Variants in YAF2 observed in about 807,000 individuals in gnomAD.
YAF2 encodes YY1-associated factor 2.
Under a neutral mutation model 20.1 loss-of-function variants are expected in YAF2, and 7 were observed. The observed-to-expected ratio is 0.35, with a 90% confidence interval of 0.20 to 0.65. YAF2 has a LOEUF of 0.65. Among genes scored for constraint, YAF2 ranks in the 30% least tolerant of loss-of-function variants. YAF2 has a pLI of 0.69. For missense variants in YAF2, 151 were observed against 219.2 expected (o/e 0.69, Z 1.96); for synonymous variants, 74 against 76.0 (o/e 0.97, Z 0.14).
chr12:42,215,634 A>G (rs1239554703), intron 2 of YAF2, among the ~76,000 whole-genome samples: 3 of 151,892 alleles, frequency 2.0e-5, no homozygotes, highest in Non-Finnish European at 4.4e-5. Flanking sequence ...CAAAGCTACC[A>G]TACAGTGGCA....
chr12:42,218,696 A>G (rs760059485), intron 2 of YAF2, among the ~76,000 whole-genome samples: 21 of 152,140 alleles, frequency 1.4e-4, no homozygotes, highest in Non-Finnish European at 2.2e-4. Context: ...TCCCAAAATA[A>G]TCTTATTAAA....
chr12:42,176,727 T>A (rs191497618), intron 2 of YAF2, among the ~76,000 whole-genome samples: 1 of 152,136 alleles, frequency 6.6e-6, no homozygotes, highest in East Asian at 1.9e-4. Flanking sequence ...TTTGGGAGGC[T>A]GAGGTGGGTG....
intron 2 of YAF2, among the ~76,000 whole-genome samples, chr12:42,197,677 A>G (rs2066789390): frequency 6.6e-6 from 1 of 152,200 alleles, no homozygotes; most frequent in South Asian, 2.1e-4. Context: ...AAATTAAACA[A>G]TAATCAACAT....
At chr12:42,185,569 T>C (rs1017764010) in intron 2 of YAF2, among the ~76,000 whole-genome samples, 3 of 152,186 alleles carry the variant, frequency 2.0e-5, no homozygotes, top group Admixed American at 1.3e-4. Flanking sequence ...TAAAAATTGC[T>C]ACAGCCACCC....
At chr12:42,163,054 GCTTAGCC>G (rs1409309425) in intron 2 of YAF2, among the ~76,000 whole-genome samples, 1 of 152,124 alleles carries the variant, frequency 6.6e-6, no homozygotes, top group Non-Finnish European at 1.5e-5. Flanking sequence ...TGTTTAGCTT[GCTTAGCC>G]CTACCCCGCA....
chr12:42,168,255 T>C (rs2065961387), intron 2 of YAF2, among the ~76,000 whole-genome samples: 1 of 150,870 alleles, frequency 6.6e-6, no homozygotes, highest in African/African-American at 2.4e-5. Context: ...CTCAGCTCAC[T>C]GCAACCTCCG....
chr12:42,186,630 T>A (rs1452359965), intron 2 of YAF2, among the ~76,000 whole-genome samples: 1 of 151,568 alleles, frequency 6.6e-6, no homozygotes, highest in Non-Finnish European at 1.5e-5. Context: ...TGAGCTGAGA[T>A]CATGCCATTG....
intron 2 of YAF2, among the ~76,000 whole-genome samples, chr12:42,230,406 G>T (rs2067950899): frequency 6.6e-6 from 1 of 152,280 alleles, no homozygotes; most frequent in Non-Finnish European, 1.5e-5. Context: ...TTTAGGGATA[G>T]ATTATTATTA....
At chr12:42,204,174 G>A (rs752796478) in intron 2 of YAF2, among the ~76,000 whole-genome samples, 4 of 152,184 alleles carry the variant, frequency 2.6e-5, no homozygotes, top group African/African-American at 4.8e-5. Context: ...TGACATTACA[G>A]AAAAGTGTGA....
chr12:42,186,410 G>C (rs10880263), intron 2 of YAF2, among the ~76,000 whole-genome samples: 27,975 of 151,854 alleles, frequency 0.18, 2,680 homozygotes, highest in Admixed American at 0.24. Flanking sequence ...GTATATAAGG[G>C]TTGATCAAGA....
At chr12:42,230,806 GA>G (rs2137412432) in intron 2 of YAF2, among the ~76,000 whole-genome samples, 1 of 152,294 alleles carries the variant, frequency 6.6e-6, no homozygotes, top group African/African-American at 2.4e-5. Context: ...ATGGGTTTCA[GA>G]GATATACACA....
At chr12:42,185,117 G>A (rs1353660225) in intron 2 of YAF2, among the ~76,000 whole-genome samples, 1 of 152,214 alleles carries the variant, frequency 6.6e-6, no homozygotes, top group Non-Finnish European at 1.5e-5. Flanking sequence ...GGCAAAGGCT[G>A]CAGTGGGCCA....
chr12:42,182,095 C>T (rs528645225), intron 2 of YAF2, among the ~76,000 whole-genome samples: 1 of 152,078 alleles, frequency 6.6e-6, no homozygotes, highest in East Asian at 1.9e-4. Flanking sequence ...ATATGCTCTT[C>T]TGTGTAAACT....
intron 3 of YAF2, 184 bp from the exon 4 acceptor site, chr12:42,161,010 T>C (rs2065788049): frequency 1.8e-6 from 1 of 562,960 alleles, no homozygotes; most frequent in Non-Finnish European, 3.1e-6. Flanking sequence ...AAACCAATCA[T>C]TCATGAACAT....
chr12:42,208,031 G>A (rs1327129209), intron 2 of YAF2, among the ~76,000 whole-genome samples: 3 of 152,066 alleles, frequency 2.0e-5, no homozygotes, highest in Non-Finnish European at 2.9e-5. Context: ...TGCTCTCAAA[G>A]AACCTAAAAA....
chr12:42,205,216 G>A (rs976099911), intron 2 of YAF2, among the ~76,000 whole-genome samples: 1 of 151,092 alleles, frequency 6.6e-6, no homozygotes, highest in African/African-American at 2.4e-5. Flanking sequence ...AATTATTAGC[G>A]ATTTCTTATA....
chr12:42,234,740 T>C, intron 2 of YAF2: 2 of 980,960 alleles, frequency 2.0e-6, no homozygotes, highest in Non-Finnish European at 2.4e-6. Flanking sequence ...ATAATCCCAG[T>C]TCTTTGGGAG....
chr12:42,230,370 A>T (rs752062859), intron 2 of YAF2, among the ~76,000 whole-genome samples: 3 of 152,238 alleles, frequency 2.0e-5, no homozygotes, highest in Admixed American at 1.3e-4. Context: ...TGGGATAAGC[A>T]GCAGGAAATG....
chr12:42,234,082 A>G, intron 2 of YAF2: 1 of 656,188 alleles, frequency 1.5e-6, no homozygotes, highest in Non-Finnish European at 1.9e-6. Flanking sequence ...GAGGCATGAG[A>G]ATTGCTTGAA....
Sources: gnomAD v4.1 joint callset for allele counts (sites outside exome capture counted in the v4.1 genomes callset) on GRCh38, gnomAD v4.1.1 for gene constraint, MANE v1.5 for transcripts, NCBI Gene and HGNC (gene_info 2026-07-23, HGNC 2026-07-21) for gene names.